BNIP1: variants seen among roughly 807,000 people sequenced by gnomAD.
BNIP1 encodes the protein BCL2 interacting protein 1.
A neutral mutation model predicts 28.5 loss-of-function variants in BNIP1; 25 were observed. The ratio of observed to expected loss-of-function variants is 0.88; its 90% CI spans 0.64 to 1.23. BNIP1 has a LOEUF of 1.23. Among genes scored for constraint, BNIP1 ranks in the 50% most tolerant of loss-of-function variants. The pLI, the probability that BNIP1 is intolerant of heterozygous loss-of-function variation, is 0.00. For missense variants in BNIP1, 276 were observed against 277.0 expected, an observed-to-expected ratio of 1.00 and a Z score of 0.02; for synonymous variants, 118 against 101.7, an observed-to-expected ratio of 1.16 and a Z score of -0.96.
At chr5:173,147,261 C>T (rs537807657) in intron 2 of BNIP1, among the ~76,000 whole-genome samples, 65 of 152,084 alleles carry the variant, frequency 4.3e-4, no homozygotes, top group African/African-American at 1.4e-3. Flanking sequence ...AAAAATTAGT[C>T]GGGCATGGTG....
At chr5:173,162,960 A>C (rs766757186) in intron 5 of BNIP1, among the ~76,000 whole-genome samples, 23 of 152,312 alleles carry the variant, frequency 1.5e-4, no homozygotes, top group African/African-American at 4.3e-4. Flanking sequence ...ACCTAAATGG[A>C]AACATTTCAC....
intron 2 of BNIP1, among the ~76,000 whole-genome samples, chr5:173,150,712 G>A (rs1351749643): frequency 1.3e-5 from 2 of 151,970 alleles, no homozygotes; most frequent in African/African-American, 2.4e-5. Flanking sequence ...TTACTGATAT[G>A]TCATTCCAGA....
At position 173,146,970 on chromosome 5, in the gene BNIP1, C is replaced by A. The variant is rs1759857616; in HGVS notation, c.177+12C>A. The A allele has an allele frequency of 1.9e-6, 3 of 1,592,626 alleles. No individual in the cohort carries two copies. Among genetic ancestry groups the A allele is most frequent in the African/African-American group, 1.3e-5 (1 of 74,520 alleles). On this transcript the variant is annotated intron_variant, in intron 2 of 5. Coordinates refer to ENST00000351486, the MANE Select transcript of BNIP1 (RefSeq NM_001205.3). Reference sequence around the variant, plus strand: ...GTCACAGAATACAGGTGGGTATTCTCAATTCAGTCAATGAAGGGGGCTCTG... The same window carrying A: ...GTCACAGAATACAGGTGGGTATTCTAAATTCAGTCAATGAAGGGGGCTCTG...
intron 2 of BNIP1, chr5:173,151,452 A>C (rs1760014800): frequency 1.3e-5 from 14 of 1,068,008 alleles, no homozygotes; most frequent in Non-Finnish European, 1.6e-5. Context: ...GAACTCCTGG[A>C]CTCAAGTGAT....
chr5:173,159,959 A>T lies in BNIP1; in HGVS notation c.398A>T (p.Gln133Leu), dbSNP rs1267174737. 1 of 1,614,194 alleles carries T rather than the reference A, an allele frequency of 6.2e-7. No individual in the cohort carries two copies. The highest frequency in any genetic ancestry group is 1.1e-5 in the South Asian group (1 of 91,082). ...AAAACCACCAAAGAGAGCCTGGCCC[A>T]GACATCCAGTACCATCACTGAGAGC... ...QRKTTKESLA[Q>L]TSSTITESLM... The change falls in exon 5 of 6, where the codon CAG becomes CTG. Residue 133 changes from glutamine (Q) to leucine (L), a missense_variant. Gln to Leu is a moderately radical substitution (Grantham distance 113). Transcript: ENST00000351486.
intron 2 of BNIP1, among the ~76,000 whole-genome samples, 187 bp downstream of exon 2, chr5:173,147,145 G>T (rs924580819): frequency 2.6e-5 from 4 of 152,120 alleles, no homozygotes; most frequent in African/African-American, 9.7e-5. Context: ...GGTGGCTCAC[G>T]CCTGTAATCC....
intron 2 of BNIP1, among the ~76,000 whole-genome samples, chr5:173,149,995 C>T (rs149469733): frequency 1.1e-4 from 17 of 152,306 alleles, no homozygotes; most frequent in Non-Finnish European, 2.2e-4. Flanking sequence ...CAGTGGCTCA[C>T]GCCTGTAATC....
chr5:173,156,663 T>G (rs1174425263), intron 3 of BNIP1, among the ~76,000 whole-genome samples: 1 of 150,216 alleles, frequency 6.7e-6, no homozygotes, highest in African/African-American at 2.4e-5. Flanking sequence ...TTTTTTTTTT[T>G]TTGAGACAGA....
chr5:173,144,702 T>G (rs1759780655), intron 1 of BNIP1, 73 bp downstream of exon 1: 3 of 1,511,068 alleles, frequency 2.0e-6, no homozygotes. Context: ...AGCTTGGCAG[T>G]GTCACTCCCG....
chr5:173,164,058 GC>G lies in BNIP1; in HGVS notation c.*141del. 1.2e-6 allele frequency: 1 copy of G among 859,926 alleles called. No individual in the cohort carries two copies. The highest frequency in any genetic ancestry group is 1.7e-6 in the Non-Finnish European group (1 of 585,934). 53.3% of individuals were successfully genotyped at this position (859,926 alleles called of 1,614,324 possible). On this transcript the variant is annotated 3_prime_UTR_variant, in exon 6 of 6. Coordinates refer to ENST00000351486, the MANE Select transcript of BNIP1 (RefSeq NM_001205.3). This position sits in a 1 kb window ranked among gnomAD's most constrained non-coding sequence, Gnocchi z 4.0. ...GCCTGCAGGTTGGATGGAACACAGT[GC>G]CCCACTTTTCTGCAAGTAGCTGGCT...
chr5:173,147,160 A>G (rs1440269855), intron 2 of BNIP1, among the ~76,000 whole-genome samples: 1 of 152,142 alleles, frequency 6.6e-6, no homozygotes. Flanking sequence ...TAATCCCAGC[A>G]CTTTGGGAGG....
At chr5:173,157,995 C>T (rs1474071671) in intron 3 of BNIP1, among the ~76,000 whole-genome samples, 4 of 150,544 alleles carry the variant, frequency 2.7e-5, no homozygotes, top group African/African-American at 4.9e-5. Flanking sequence ...GGTACTATCA[C>T]GGCTCACTGC....
chr5:173,152,403 G>A (rs1052322642), intron 2 of BNIP1, among the ~76,000 whole-genome samples: 5 of 151,380 alleles, frequency 3.3e-5, no homozygotes, highest in Non-Finnish European at 7.4e-5. Flanking sequence ...AGGCTGGAGT[G>A]CAGTGGCACG....
At chr5:173,145,314 C>T (rs1324153110) in intron 1 of BNIP1, among the ~76,000 whole-genome samples, 2 of 152,184 alleles carry the variant, frequency 1.3e-5, no homozygotes, top group African/African-American at 4.8e-5. Flanking sequence ...GTAAAATAAA[C>T]GAGTGGACTT....
intron 2 of BNIP1, chr5:173,151,739 G>A: frequency 3.1e-6 from 5 of 1,609,066 alleles, no homozygotes; most frequent in Non-Finnish European, 4.2e-6. Context: ...TGCCCACCCA[G>A]TGTTTATTTC....
intron 2 of BNIP1, among the ~76,000 whole-genome samples, chr5:173,152,844 A>C (rs967084869): frequency 2.0e-5 from 3 of 152,240 alleles, no homozygotes; most frequent in African/African-American, 7.2e-5. Context: ...GTTCCAAACC[A>C]GTATGTGCAA....
At chr5:173,148,854 T>C (rs905142769) in intron 2 of BNIP1, among the ~76,000 whole-genome samples, 1 of 152,124 alleles carries the variant, frequency 6.6e-6, no homozygotes, top group Non-Finnish European at 1.5e-5. Flanking sequence ...GTTCTGATGG[T>C]TTTTCTGGTT....
chr5:173,153,526 C>T (rs1024407688), intron 2 of BNIP1, among the ~76,000 whole-genome samples: 2 of 152,138 alleles, frequency 1.3e-5, no homozygotes, highest in Non-Finnish European at 2.9e-5. Flanking sequence ...TGCGCCCGGC[C>T]GAGAACACTG....
intron 4 of BNIP1, 27 bp from the exon 5 acceptor site, chr5:173,159,906 C>T: frequency 1.9e-6 from 3 of 1,602,566 alleles, no homozygotes; most frequent in Non-Finnish European, 2.6e-6. Flanking sequence ...TGACATTCCT[C>T]CCCTTTCTCT....
Sources: allele counts gnomAD v4.1 joint callset (sites outside exome capture counted in the v4.1 genomes callset), GRCh38; gene constraint gnomAD v4.1.1; non-coding constraint Gnocchi (gnomAD v3.1); transcripts MANE v1.5; gene names NCBI Gene and HGNC (gene_info 2026-07-23, HGNC 2026-07-21).